The following UGT2A2 variants were observed in gnomAD, a reference collection of about 807,000 sequenced individuals.
UGT2A2 encodes UDP glucuronosyltransferase family 2 member A2.
Under a neutral mutation model 50.7 loss-of-function variants are expected in UGT2A2, and 60 were observed. The ratio of observed to expected loss-of-function variants is 1.18; its 90% CI spans 0.96 to 1.47. The LOEUF (loss-of-function observed/expected upper bound fraction) is 1.47. Among genes scored for constraint, UGT2A2 ranks in the 40% most tolerant of loss-of-function variants. UGT2A2 has a pLI of 0.00. For missense variants in UGT2A2, 762 were observed against 634.0 expected (o/e 1.20, Z -2.17); for synonymous variants, 242 against 214.6 (o/e 1.13, Z -1.11).
chr4:69,592,233 T>A (rs576067880), intron 5 of UGT2A2, among the ~76,000 whole-genome samples: 1 of 152,144 alleles, frequency 6.6e-6, no homozygotes, highest in African/African-American at 2.4e-5. Flanking sequence ...GAAAAGTGAA[T>A]GAAATATTAA....
chr4:69,614,488 G>C (rs1720255758), intron 1 of UGT2A2, among the ~76,000 whole-genome samples: 2 of 151,744 alleles, frequency 1.3e-5, no homozygotes, highest in Admixed American at 6.6e-5. Flanking sequence ...ACTTTGTATG[G>C]AACCACAAAA....
Position 69,588,591 on chromosome 4 carries a change from T to A in UGT2A2, c.*781A>T, listed in dbSNP as rs1718387743. The A allele has an allele frequency of 6.6e-6, 1 of 152,056 alleles. No individual in the cohort carries two copies. The highest frequency in any genetic ancestry group is 1.5e-5 in the Non-Finnish European group (1 of 67,990). The allele number at this position is 152,056 out of a possible 1,614,324, so 9.4% of individuals were successfully genotyped here. ...TAAAAATGATAATTATTTTCTAGATTTCTAATTGTTATATCCTCTAAATAT... is the reference window on the plus strand; with the variant it reads ...TAAAAATGATAATTATTTTCTAGATATCTAATTGTTATATCCTCTAAATAT... On this transcript the variant is annotated 3_prime_UTR_variant, in exon 6 of 6. Transcript: ENST00000604629.
intron 1 of UGT2A2, among the ~76,000 whole-genome samples, chr4:69,614,123 A>G (rs1471593846): frequency 9.0e-6 from 1 of 111,174 alleles, no homozygotes; most frequent in East Asian, 2.5e-4. Context: ...AAACCCATTC[A>G]GTAGTTCCAG....
chr4:69,599,216 G>T (rs1293163737), intron 2 of UGT2A2, 30 bp downstream of exon 2: 8 of 1,585,632 alleles, frequency 5.0e-6, no homozygotes, highest in Non-Finnish European at 6.0e-6. Flanking sequence ...ATTATGAAGA[G>T]CATAAAATCC....
chr4:69,632,319 A>C (rs922238728), intron 1 of UGT2A2, among the ~76,000 whole-genome samples: 2 of 152,206 alleles, frequency 1.3e-5, no homozygotes, highest in African/African-American at 4.8e-5. Flanking sequence ...AGGGGTCTGC[A>C]TTAAAGATAA....
rs1402478572 is a variant in UGT2A2, at chr4:69,606,343, T to C, written c.743-6949A>G. On this transcript the variant is annotated intron_variant, in intron 1 of 5. Transcript: ENST00000604629. ...AAAACCACATGATTATCTCAATAGA[T>C]GCAGAAAAGGCCTTGAAAAAATTCA... is the stretch of plus-strand genomic sequence containing the variant. Among the ~76,000 whole-genome samples the C allele has an allele frequency of 1.5e-5, 2 of 136,560 alleles. 1 individual carries two copies. Among genetic ancestry groups the C allele is most frequent in the African/African-American group, 6.0e-5 (2 of 33,550 alleles). The allele number at this position is 136,560 out of a possible 152,430, so 89.6% of individuals were successfully genotyped here. A position where few individuals can be genotyped will look rare whatever the true frequency, so the allele number is the denominator to read the frequency against.
chr4:69,600,129 G>A (rs1234868214), intron 1 of UGT2A2, among the ~76,000 whole-genome samples: 4 of 152,172 alleles, frequency 2.6e-5, no homozygotes, highest in Non-Finnish European at 5.9e-5. Flanking sequence ...AAAACCATGA[G>A]TCCCCAGAGT....
At chr4:69,600,118 A>T (rs1438624517) in intron 1 of UGT2A2, among the ~76,000 whole-genome samples, 1 of 152,192 alleles carries the variant, frequency 6.6e-6, no homozygotes, top group African/African-American at 2.4e-5. Flanking sequence ...GAGCCAGGTG[A>T]AAAACCATGA....
chr4:69,622,400 TTTAA>T (rs983680840), intron 1 of UGT2A2, among the ~76,000 whole-genome samples: 7 of 151,726 alleles, frequency 4.6e-5, no homozygotes, highest in African/African-American at 1.7e-4. Flanking sequence ...ATACGAATTA[TTTAA>T]TTAATTATCT....
chr4:69,598,154 C>A (rs17617467), intron 2 of UGT2A2, among the ~76,000 whole-genome samples: 27,637 of 152,004 alleles, frequency 0.18, 2,858 homozygotes, highest in Non-Finnish European at 0.24. Context: ...AGCTTGCCTG[C>A]AGCCATAACT....
chr4:69,617,365 C>G (rs942611135), intron 1 of UGT2A2, among the ~76,000 whole-genome samples: 2 of 151,398 alleles, frequency 1.3e-5, no homozygotes, highest in African/African-American at 2.4e-5. Flanking sequence ...TTGTTGACGG[C>G]GTAAAAATAA....
chr4:69,610,821 G>A (rs1719992324), intron 1 of UGT2A2, among the ~76,000 whole-genome samples: 1 of 152,152 alleles, frequency 6.6e-6, no homozygotes, highest in Non-Finnish European at 1.5e-5. Context: ...AGAACTGTAA[G>A]AAAATAAACC....
In UGT2A2 at chr4:69,596,394, T is replaced by C; in HGVS notation, c.892-13A>G. The C allele has an allele frequency of 1.3e-6, 2 of 1,553,534 alleles. No individual in the cohort carries two copies. Among genetic ancestry groups the C allele is most frequent in the Non-Finnish European group, 1.7e-6 (2 of 1,148,944 alleles). On this transcript the variant is annotated splice_polypyrimidine_tract_variant and intron_variant, in intron 2 of 5. Coordinates refer to ENST00000604629, the MANE Select transcript of UGT2A2 (RefSeq NM_001105677.2). ...ATTCTTCCATTTCCTGCATACATAA[T>C]ATATTTTCTATTACAAAGGTGTAGC... is the stretch of plus-strand genomic sequence containing the variant.
chr4:69,596,677 G>A (rs1030568368), intron 2 of UGT2A2, among the ~76,000 whole-genome samples: 6 of 151,988 alleles, frequency 3.9e-5, no homozygotes, highest in African/African-American at 1.4e-4. Flanking sequence ...TCATGCCATC[G>A]TGTCTGGCTG....
chr4:69,590,869 G>T (rs1718558991), intron 5 of UGT2A2, among the ~76,000 whole-genome samples: 1 of 152,080 alleles, frequency 6.6e-6, no homozygotes, highest in Admixed American at 6.6e-5. Flanking sequence ...TTTTATGACT[G>T]ATATGTTAAA....
At chr4:69,595,529 AC>A (rs1478951822) in intron 3 of UGT2A2, among the ~76,000 whole-genome samples, 1 of 152,222 alleles carries the variant, frequency 6.6e-6, no homozygotes, top group African/African-American at 2.4e-5. Flanking sequence ...CGTAAACAGT[AC>A]CAGTTTAATC....
intron 1 of UGT2A2, among the ~76,000 whole-genome samples, chr4:69,605,701 G>T (rs991588696): frequency 4.4e-5 from 6 of 135,978 alleles, no homozygotes; most frequent in Non-Finnish European, 7.8e-5. Flanking sequence ...AGAAAAGAGA[G>T]AAGAATCAAA....
intron 1 of UGT2A2, among the ~76,000 whole-genome samples, chr4:69,602,843 C>A (rs1166896441): frequency 1.5e-5 from 2 of 135,616 alleles, no homozygotes; most frequent in African/African-American, 3.0e-5. Flanking sequence ...AATTATGAAT[C>A]TTATTAAGGG....
At chr4:69,622,776 G>A (rs917885044) in intron 1 of UGT2A2, among the ~76,000 whole-genome samples, 2 of 151,646 alleles carry the variant, frequency 1.3e-5, no homozygotes, top group Non-Finnish European at 3.0e-5. Flanking sequence ...GACCCATAGG[G>A]TCAACAGGAA....
Sources: allele counts gnomAD v4.1 joint callset (sites outside exome capture counted in the v4.1 genomes callset), GRCh38; gene constraint gnomAD v4.1.1; transcripts MANE v1.5; gene names NCBI Gene and HGNC (gene_info 2026-07-23, HGNC 2026-07-21).